ADAMTS17: variants seen among roughly 807,000 people sequenced by gnomAD.
ADAMTS17 encodes the protein ADAM metallopeptidase with thrombospondin type 1 motif 17.
Under a neutral mutation model 141.5 loss-of-function variants are expected in ADAMTS17, and 113 were observed. That is an observed-to-expected ratio of 0.80 (90% CI 0.69 to 0.93). The LOEUF (loss-of-function observed/expected upper bound fraction) is 0.93, where lower values mean the gene tolerates loss of function less well. Ranked by LOEUF, ADAMTS17 falls within the 40% of genes least tolerant of loss-of-function variation. The pLI, the probability that ADAMTS17 is intolerant of heterozygous loss-of-function variation, is 0.00. For missense variants in ADAMTS17, 1,659 were observed against 1,517.9 expected (o/e 1.09, Z -1.54); for synonymous variants, 768 against 630.6 (o/e 1.22, Z -3.27).
At chr15:99,982,540 A>G (rs867874) in intron 20 of ADAMTS17, among the ~76,000 whole-genome samples, 15,317 of 152,212 alleles carry the variant, frequency 0.1, 2,372 homozygotes, top group African/African-American at 0.33. Context: ...GGCCTCCCCT[A>G]AGGCTTCAAC....
intron 15 of ADAMTS17, among the ~76,000 whole-genome samples, chr15:100,070,836 G>C (rs920282113): frequency 2.0e-5 from 3 of 149,378 alleles, no homozygotes; most frequent in African/African-American, 7.4e-5. Context: ...AAAAGAACTA[G>C]AGAAGCAAGA....
chr15:100,331,819 C>T (rs2046062429), intron 2 of ADAMTS17, among the ~76,000 whole-genome samples: 1 of 152,122 alleles, frequency 6.6e-6, no homozygotes, highest in Non-Finnish European at 1.5e-5. Context: ...CTAGCGTGTG[C>T]CCAAATCACC....
chr15:100,255,535 G>C (rs2043296311), intron 6 of ADAMTS17, among the ~76,000 whole-genome samples: 1 of 151,566 alleles, frequency 6.6e-6, no homozygotes, highest in African/African-American at 2.4e-5. Context: ...TAAAATTAGA[G>C]CCATGGGTGT....
At chr15:100,141,932 A>T (rs895092083) in intron 10 of ADAMTS17, among the ~76,000 whole-genome samples, 3 of 152,224 alleles carry the variant, frequency 2.0e-5, no homozygotes, top group Non-Finnish European at 4.4e-5. Context: ...CAGCCCTGAG[A>T]GGGGCAAGGC....
intron 18 of ADAMTS17, among the ~76,000 whole-genome samples, chr15:100,046,766 T>C (rs1022545621): frequency 2.6e-5 from 4 of 152,218 alleles, no homozygotes; most frequent in African/African-American, 9.6e-5. Context: ...TCCTGTCAAT[T>C]TGTAAGCTGA....
intron 7 of ADAMTS17, among the ~76,000 whole-genome samples, chr15:100,214,630 A>G (rs529711505): frequency 2.6e-5 from 4 of 152,210 alleles, no homozygotes; most frequent in Non-Finnish European, 5.9e-5. Context: ...ACGCACTTTT[A>G]TTGGCCACTT....
At chr15:100,161,957 C>G (rs2039710194) in intron 8 of ADAMTS17, among the ~76,000 whole-genome samples, 1 of 152,146 alleles carries the variant, frequency 6.6e-6, no homozygotes, top group South Asian at 2.1e-4. Context: ...TAAGGCGAAC[C>G]CCAGAGTAGA....
intron 7 of ADAMTS17, among the ~76,000 whole-genome samples, chr15:100,238,525 C>T (rs987739588): frequency 2.6e-5 from 4 of 152,188 alleles, no homozygotes; most frequent in African/African-American, 7.2e-5. Flanking sequence ...CCGTCCTGAA[C>T]ACAGAATCTG....
chr15:100,239,679 C>T (rs1318540502), intron 7 of ADAMTS17, among the ~76,000 whole-genome samples: 1 of 152,180 alleles, frequency 6.6e-6, no homozygotes, highest in Non-Finnish European at 1.5e-5. Context: ...CCACCAGGCT[C>T]CCCTAGCTGC....
At chr15:100,084,114 G>A (rs888664406) in intron 15 of ADAMTS17, among the ~76,000 whole-genome samples, 4 of 152,186 alleles carry the variant, frequency 2.6e-5, no homozygotes, top group East Asian at 1.9e-4. Context: ...GGTGACAGAC[G>A]GCACCTGGAA....
At chr15:100,216,107 T>C (rs146574690) in intron 7 of ADAMTS17, among the ~76,000 whole-genome samples, 1 of 152,240 alleles carries the variant, frequency 6.6e-6, no homozygotes, top group African/African-American at 2.4e-5. Context: ...TGGGTGACTA[T>C]GGCAATTGTT....
intron 10 of ADAMTS17, among the ~76,000 whole-genome samples, chr15:100,145,121 A>G (rs73470048): frequency 0.013 from 1,974 of 152,304 alleles, 35 homozygotes; most frequent in African/African-American, 0.044. Context: ...GATAAAAGAT[A>G]GACAAACATA....
At chr15:100,105,282 A>G (rs2036345471) in intron 14 of ADAMTS17, among the ~76,000 whole-genome samples, 1 of 152,228 alleles carries the variant, frequency 6.6e-6, no homozygotes, top group Admixed American at 6.5e-5. Context: ...CCCAAGGAGC[A>G]AAAGACCACC....
At chr15:100,111,295 T>C (rs145575590) in intron 13 of ADAMTS17, among the ~76,000 whole-genome samples, 5 of 152,314 alleles carry the variant, frequency 3.3e-5, no homozygotes, top group African/African-American at 9.6e-5. Context: ...TCAGGTCTGA[T>C]GGGAGCTGTC....
intron 15 of ADAMTS17, among the ~76,000 whole-genome samples, chr15:100,087,710 G>T (rs1219139112): frequency 2.0e-5 from 3 of 152,118 alleles, no homozygotes; most frequent in Non-Finnish European, 2.9e-5. Flanking sequence ...ACGTAATCCA[G>T]CATATAAACA....
At chr15:100,079,752 T>C (rs2418485) in intron 15 of ADAMTS17, among the ~76,000 whole-genome samples, 81,357 of 152,084 alleles carry the variant, frequency 0.53, 25,102 homozygotes, top group Non-Finnish European at 0.7. Context: ...GAAATGCTTC[T>C]GCCAAGACTA....
At chr15:100,276,899 G>T (rs2044115925) in intron 4 of ADAMTS17, among the ~76,000 whole-genome samples, 1 of 152,190 alleles carries the variant, frequency 6.6e-6, no homozygotes, top group African/African-American at 2.4e-5. Flanking sequence ...GATTGAGAAA[G>T]GGGGGTGCTG....
intron 18 of ADAMTS17, among the ~76,000 whole-genome samples, chr15:100,003,836 T>C (rs2060978761): frequency 6.6e-6 from 1 of 151,666 alleles, no homozygotes. Context: ...AGAGACAAAG[T>C]AGAATGATGG....
intron 18 of ADAMTS17, among the ~76,000 whole-genome samples, chr15:100,017,442 G>T (rs780775409): frequency 3.3e-5 from 5 of 152,056 alleles, no homozygotes; most frequent in Non-Finnish European, 7.3e-5. Context: ...TCTCCCTGTG[G>T]TGTTCAGCCT....
Sources: gnomAD v4.1 joint callset for allele counts (sites outside exome capture counted in the v4.1 genomes callset) on GRCh38, gnomAD v4.1.1 for gene constraint, MANE v1.5 for transcripts, NCBI Gene and HGNC (gene_info 2026-07-23, HGNC 2026-07-21) for gene names.